DMD: variants seen among roughly 807,000 people sequenced by gnomAD.
DMD encodes the protein mutant dystrophin.
DMD carries 63 observed loss-of-function variants against 330.1 expected under a neutral mutation model. That is an observed-to-expected ratio of 0.19 (90% CI 0.16 to 0.24). DMD has a LOEUF of 0.24. DMD is among the 10% of genes least tolerant of loss of function. The pLI is 1.00. For synonymous variants in DMD, 1,223 were observed against 959.8 expected (o/e 1.27, Z -5.07); for missense variants, 3,344 against 2,684.1 (o/e 1.25, Z -5.43).
At chrX:33,000,753 G>A (rs2093259850) in intron 2 of DMD, among the ~76,000 whole-genome samples, 1 of 111,507 alleles carries the variant, frequency 9.0e-6, no homozygotes, top group South Asian at 3.7e-4. Flanking sequence ...TAATATTTTT[G>A]TTTTACATAT....
intron 15 of DMD, among the ~76,000 whole-genome samples, chrX:32,573,018 G>A (rs888269501): frequency 9.0e-6 from 1 of 111,396 alleles, no homozygotes; most frequent in African/African-American, 3.3e-5. Flanking sequence ...CACTTACCAG[G>A]AGCAGATGCT....
rs761569710 is a variant in DMD at position 31,214,937 on chromosome X, C to CTTTTTTTTTTTTTTTTTTTTTTTT, written c.9362-5239_9362-5238insAAAAAAAAAAAAAAAAAAAAAAAA. ...AAAGATACTTTTTTATTTCTTTTTT[C>CTTTTTTTTTTTTTTTTTTTTTTTT]TTTTTTTTTTTTTTTTTTTTTTGAG... On this transcript the variant is annotated intron_variant, in intron 64 of 78. Transcript: ENST00000357033. Among the ~76,000 whole-genome samples, 25 of 38,085 alleles carry CTTTTTTTTTTTTTTTTTTTTTTTT rather than the reference C, an allele frequency of 6.6e-4. 1 individual carries two copies. Among genetic ancestry groups the CTTTTTTTTTTTTTTTTTTTTTTTT allele is most frequent in the Admixed American group, 1.3e-3 (3 of 2,392 alleles). 33.1% of individuals were successfully genotyped at this position (38,085 alleles called of 115,157 possible). A position where few individuals can be genotyped will look rare whatever the true frequency, so the allele number is the denominator to read the frequency against.
chrX:32,407,787 G>A (rs1194595868), intron 30 of DMD, among the ~76,000 whole-genome samples: 43 of 109,627 alleles, frequency 3.9e-4, no homozygotes, highest in African/African-American at 1.4e-3. Context: ...GGAATACTAT[G>A]CAGCCATAAA....
intron 62 of DMD, among the ~76,000 whole-genome samples, chrX:31,276,188 C>A (rs1017578066): frequency 2.7e-5 from 3 of 111,673 alleles, no homozygotes; most frequent in Admixed American, 9.5e-5. Context: ...TCCCAAGTAG[C>A]TGGGATTACA....
chrX:31,475,767 G>A (rs1351346684), intron 59 of DMD, among the ~76,000 whole-genome samples: 1 of 111,759 alleles, frequency 8.9e-6, no homozygotes, highest in Non-Finnish European at 1.9e-5. Context: ...ACAAGTATTA[G>A]AGTCAAATTT....
intron 29 of DMD, among the ~76,000 whole-genome samples, chrX:32,417,105 A>C (rs1370195240): frequency 8.9e-6 from 1 of 111,855 alleles, no homozygotes; most frequent in Non-Finnish European, 1.9e-5. Context: ...ATTGAATTCT[A>C]TCTGTTGTCT....
At chrX:32,099,793 A>G (rs1168788939) in intron 44 of DMD, among the ~76,000 whole-genome samples, 2 of 105,821 alleles carry the variant, frequency 1.9e-5, no homozygotes, top group Non-Finnish European at 3.9e-5. Context: ...CCTAATGTTA[A>G]ATGAAGAGTT....
In DMD at chrX:31,206,613, C is replaced by T; in HGVS notation, c.9618G>A (p.Leu3206=). The change falls in exon 66 of 79, where the codon CTG becomes CTA. Residue 3206 remains leucine, a synonymous_variant. Transcript: ENST00000357033. ...VLSFKTGIIS[L]CKAHLEDKYR... Reference sequence around the variant, plus strand: ...ACTTGTCTTCCAAATGTGCTTTACACAGGGAAATGATGCCAGTTTTAAAAG... The same window carrying T: ...ACTTGTCTTCCAAATGTGCTTTACATAGGGAAATGATGCCAGTTTTAAAAG... 1.7e-6 allele frequency: 2 copies of T among 1,210,895 alleles called. No homozygotes were observed. Among genetic ancestry groups the T allele is most frequent in the South Asian group, 1.8e-5 (1 of 56,778 alleles).
chrX:32,205,005 T>TCTCTCTCTCTCTCTCACA (rs60181300), intron 44 of DMD, among the ~76,000 whole-genome samples: 6 of 29,220 alleles, frequency 2.1e-4, no homozygotes, highest in African/African-American at 6.9e-4. Context: ...TCTCTCTCTC[T>TCTCTCTCTCTCTCTCACA]CACATACACA....
intron 21 of DMD, among the ~76,000 whole-genome samples, chrX:32,481,052 C>T (rs1221558359): frequency 9.0e-6 from 1 of 110,661 alleles, no homozygotes; most frequent in Non-Finnish European, 1.9e-5. Flanking sequence ...TCACATCAAA[C>T]TTTGTTTTAA....
chrX:31,338,051 G>A (rs1274816086), intron 61 of DMD, among the ~76,000 whole-genome samples: 2 of 110,866 alleles, frequency 1.8e-5, no homozygotes, highest in Admixed American at 9.6e-5. Context: ...TGTGAGTGTT[G>A]GTTGCTAAGG....
rs754861157 is a variant in DMD at position 32,856,491 on chromosome X, T to A, written c.94-6671A>T. Among the ~76,000 whole-genome samples the A allele has an allele frequency of 9.5e-3, 1,040 of 109,887 alleles. 12 individuals are homozygous for A. The highest frequency in any genetic ancestry group is 0.032 in the African/African-American group (973 of 30,328). ...AGTACTACTCAGTCATAAAAAAAAA[T>A]GAGACGCTGTCATTTGCAACAACGT... On this transcript the variant is annotated intron_variant, in intron 2 of 78. Transcript: ENST00000357033.
intron 44 of DMD, among the ~76,000 whole-genome samples, chrX:32,216,578 T>C (rs762890776): frequency 1.7e-3 from 189 of 111,809 alleles, no homozygotes; most frequent in African/African-American, 5.8e-3. Context: ...GTTCTCCTTC[T>C]GGAAAGGTTC....
chrX:32,749,522 C>A (rs188489969), intron 7 of DMD, among the ~76,000 whole-genome samples: 2 of 112,328 alleles, frequency 1.8e-5, no homozygotes, highest in East Asian at 5.6e-4. Flanking sequence ...TATAAATTAT[C>A]CTGTTTTCTT....
intron 2 of DMD, among the ~76,000 whole-genome samples, chrX:32,913,670 G>A (rs1215038978): frequency 4.5e-5 from 5 of 111,391 alleles, no homozygotes; most frequent in Admixed American, 1.9e-4. Context: ...GGAGAGTCTC[G>A]GGCATGCTAA....
chrX:32,686,578 A>AAAAAAAAG (rs1556919375), intron 9 of DMD, among the ~76,000 whole-genome samples: 2 of 105,633 alleles, frequency 1.9e-5, no homozygotes, highest in Non-Finnish European at 3.9e-5. Flanking sequence ...AAAAAAAAAA[A>AAAAAAAAG]AAAAGAAAAG....
chrX:32,858,332 T>C (rs2081767461), intron 2 of DMD, among the ~76,000 whole-genome samples: 1 of 111,939 alleles, frequency 8.9e-6, no homozygotes, highest in South Asian at 3.7e-4. Context: ...AAACTATTTA[T>C]TTATCATTTA....
chrX:32,593,555 G>T (rs2055175920), intron 13 of DMD, among the ~76,000 whole-genome samples: 3 of 111,322 alleles, frequency 2.7e-5, no homozygotes, highest in Non-Finnish European at 5.7e-5. Flanking sequence ...CATTGTTCCA[G>T]GGTTCCAAGG....
At chrX:32,717,039 TAA>T (rs1223366103) in intron 7 of DMD, among the ~76,000 whole-genome samples, 3 of 110,789 alleles carry the variant, frequency 2.7e-5, no homozygotes, top group African/African-American at 9.9e-5. Context: ...AAGCAGAGCA[TAA>T]AAGTTTAGAA....
Sources: gnomAD v4.1 joint callset for allele counts (sites outside exome capture counted in the v4.1 genomes callset) on GRCh38, gnomAD v4.1.1 for gene constraint, MANE v1.5 for transcripts, NCBI Gene and HGNC (gene_info 2026-07-23, HGNC 2026-07-21) for gene names.